The following ARHGAP22 variants were observed in gnomAD, a reference collection of about 807,000 sequenced individuals.
ARHGAP22 encodes rho GTPase-activating protein 22.
A neutral mutation model predicts 59.1 loss-of-function variants in ARHGAP22; 48 were observed. The observed-to-expected ratio is 0.81, with a 90% CI of 0.64 to 1.03. ARHGAP22 has a LOEUF of 1.03. Ranked by LOEUF, ARHGAP22 falls within the 50% of genes least tolerant of loss-of-function variation. ARHGAP22 has a pLI of 0.00. For missense variants in ARHGAP22, 1,015 were observed against 958.7 expected, an observed-to-expected ratio of 1.06 and a Z score of -0.78; for synonymous variants, 445 against 416.4, an observed-to-expected ratio of 1.07 and a Z score of -0.84.
At chr10:48,438,430 A>G in the ARHGAP22 span, 2 of 152,230 alleles carry the variant, frequency 1.3e-5, no homozygotes, top group Admixed American at 1.3e-4. Context: ...CGTAAGGAAA[A>G]CAGAAGTCCT....
In ARHGAP22 at chr10:48,451,050, G is replaced by A; in HGVS notation, c.1079C>T (p.Pro360Leu). Residue 360 changes from proline (P) to leucine (L), a missense_variant, in exon 9 of 10, where the codon CCG (proline) becomes CTG (leucine). Pro to Leu is a moderately conservative substitution (Grantham distance 98, BLOSUM62 -3). Coordinates refer to ENST00000249601, the MANE Select transcript of ARHGAP22 (RefSeq NM_021226.4). ...TAPVPEGPTS[P>L]RGGLQCAVGW... The stretch of plus-strand genomic sequence containing the variant: ...CACTGCGCATTGCAGGCCCCCGCGC[G>A]GGGAGGTGGGCCCTTCCGGGACCGG... The A allele has an allele frequency of 1.3e-6, 2 of 1,552,494 alleles. No homozygotes were observed. Among genetic ancestry groups the A allele is most frequent in the Non-Finnish European group, 1.7e-6 (2 of 1,148,002 alleles).
intron 3 of ARHGAP22, among the ~76,000 whole-genome samples, chr10:48,552,415 C>T (rs2056969211): frequency 6.6e-6 from 1 of 152,264 alleles, no homozygotes; most frequent in South Asian, 2.1e-4. Flanking sequence ...GAGCCTGCCA[C>T]CTGGCACCCT....
At chr10:48,565,761 G>A (rs756222285) in intron 2 of ARHGAP22, among the ~76,000 whole-genome samples, 25 of 152,208 alleles carry the variant, frequency 1.6e-4, no homozygotes, top group Non-Finnish European at 3.5e-4. Flanking sequence ...TATACACTAG[G>A]GGCCTATATA....
intron 2 of ARHGAP22, among the ~76,000 whole-genome samples, chr10:48,558,760 C>A (rs1206617364): frequency 6.6e-6 from 1 of 152,134 alleles, no homozygotes; most frequent in Admixed American, 6.5e-5. Flanking sequence ...AAAGTAGGAC[C>A]ATTTGCATTT....
At chr10:48,555,983 C>T (rs1248544168) in intron 2 of ARHGAP22, among the ~76,000 whole-genome samples, 2 of 152,174 alleles carry the variant, frequency 1.3e-5, no homozygotes, top group Non-Finnish European at 2.9e-5. Flanking sequence ...AGTCCTGCCA[C>T]GTCTTGGCTG....
intron 1 of ARHGAP22, among the ~76,000 whole-genome samples, chr10:48,644,917 A>G (rs1461975021): frequency 1.3e-5 from 2 of 152,082 alleles, no homozygotes; most frequent in African/African-American, 4.8e-5. Context: ...AAGAGAAATA[A>G]AATAAAGAAA....
intron 1 of ARHGAP22, among the ~76,000 whole-genome samples, chr10:48,641,790 T>A (rs527838376): frequency 6.6e-6 from 1 of 152,210 alleles, no homozygotes; most frequent in Admixed American, 6.5e-5. Flanking sequence ...AATTAGGAAA[T>A]GAGGAAGTCA....
chr10:48,471,652 T>G (rs2048236707), intron 4 of ARHGAP22, among the ~76,000 whole-genome samples: 1 of 152,042 alleles, frequency 6.6e-6, no homozygotes, highest in Non-Finnish European at 1.5e-5. Flanking sequence ...CACCATGGAG[T>G]TAGCCTCCAC....
At chr10:48,583,957 ACAGGG>A (rs2059272606) in intron 1 of ARHGAP22, among the ~76,000 whole-genome samples, 1 of 152,092 alleles carries the variant, frequency 6.6e-6, no homozygotes, top group Non-Finnish European at 1.5e-5. Flanking sequence ...GCTGCCCTTC[ACAGGG>A]ATGACTGAAT....
chr10:48,453,101 T>C (rs2046143991), intron 8 of ARHGAP22, among the ~76,000 whole-genome samples: 1 of 152,178 alleles, frequency 6.6e-6, no homozygotes, highest in Admixed American at 6.5e-5. Flanking sequence ...GTTCCTTTTT[T>C]ATCTTATAGC....
At chr10:48,494,417 C>A (rs1052161745) in intron 3 of ARHGAP22, among the ~76,000 whole-genome samples, 1 of 152,208 alleles carries the variant, frequency 6.6e-6, no homozygotes, top group Non-Finnish European at 1.5e-5. Flanking sequence ...GGAGCTCACA[C>A]CTCAGGCAGC....
intron 3 of ARHGAP22, among the ~76,000 whole-genome samples, chr10:48,524,413 C>G (rs2054136093): frequency 6.6e-6 from 1 of 151,978 alleles, no homozygotes; most frequent in African/African-American, 2.4e-5. Flanking sequence ...GCGCCCTCCC[C>G]ACGGCCCGTT....
chr10:48,455,426 T>A (rs901238603), intron 5 of ARHGAP22, among the ~76,000 whole-genome samples: 8 of 152,194 alleles, frequency 5.3e-5, no homozygotes, highest in Admixed American at 5.2e-4. Flanking sequence ...CTCATGTCTG[T>A]GTCAGTCCGT....
At chr10:48,575,012 T>C (rs2058620874) in intron 2 of ARHGAP22, 1 of 152,332 alleles carries the variant, frequency 6.6e-6, no homozygotes, top group East Asian at 1.9e-4. Flanking sequence ...TTCTCTTGAG[T>C]GGTTAGCACC....
intron 2 of ARHGAP22, among the ~76,000 whole-genome samples, chr10:48,579,577 C>G (rs749414355): frequency 7.2e-5 from 11 of 152,198 alleles, no homozygotes; most frequent in Admixed American, 1.3e-4. Flanking sequence ...TGTATCTATG[C>G]TTTCTGTCCT....
intron 1 of ARHGAP22, among the ~76,000 whole-genome samples, chr10:48,610,214 C>T (rs924406624): frequency 1.3e-5 from 2 of 152,320 alleles, no homozygotes; most frequent in African/African-American, 4.8e-5. Flanking sequence ...AGCTCAGGAC[C>T]CCAGAAGGGG....
chr10:48,458,625 A>G (rs1232809193), intron 5 of ARHGAP22, among the ~76,000 whole-genome samples: 2 of 152,164 alleles, frequency 1.3e-5, no homozygotes, highest in East Asian at 3.9e-4. Context: ...GGAGCTTCCA[A>G]AAGTCTCGGC....
chr10:48,541,274 C>A lies in ARHGAP22; in HGVS notation c.322+14189G>T, dbSNP rs12263105. The stretch of plus-strand genomic sequence containing the variant: ...CCTACTAATCCCCTGCCACATTCCT[C>A]CCCACATCCTAATTTATCTAGGGAT... On this transcript the variant is annotated intron_variant, in intron 3 of 9. Coordinates refer to ENST00000249601, the MANE Select transcript of ARHGAP22 (RefSeq NM_021226.4). Among the ~76,000 whole-genome samples the A allele has an allele frequency of 1.6e-3, 241 of 152,286 alleles. 1 individual carries two copies. The highest frequency in any genetic ancestry group is 5.6e-3 in the African/African-American group (232 of 41,574).
chr10:48,446,637 G>A lies in ARHGAP22; in HGVS notation c.1869-18C>T, dbSNP rs2045377394. On this transcript the variant is annotated intron_variant, in intron 9 of 9. Coordinates refer to ENST00000249601, the MANE Select transcript of ARHGAP22 (RefSeq NM_021226.4). The stretch of plus-strand genomic sequence containing the variant: ...CTTCGATTCTGAAAAGTCAAGGAGA[G>A]ATGCTGTTTGAGACTCTGCGGGCCA... 2 of 1,608,822 alleles carry A rather than the reference G, an allele frequency of 1.2e-6. No individual in the cohort carries two copies. Among genetic ancestry groups the A allele is most frequent in the African/African-American group, 1.3e-5 (1 of 74,734 alleles).
Sources: allele counts gnomAD v4.1 joint callset (sites outside exome capture counted in the v4.1 genomes callset), GRCh38; gene constraint gnomAD v4.1.1; transcripts MANE v1.5; gene names NCBI Gene and HGNC (gene_info 2026-07-23, HGNC 2026-07-21).